The following ST18 variants were observed in gnomAD, a reference collection of about 807,000 sequenced individuals.
ST18 encodes the protein ST18 C2H2C-type zinc finger transcription factor.
A neutral mutation model predicts 110.0 loss-of-function variants in ST18; 50 were observed. The ratio of observed to expected loss-of-function variants is 0.45; its 90% CI spans 0.36 to 0.58. The LOEUF is 0.58. Among genes scored for constraint, ST18 ranks in the 20% least tolerant of loss-of-function variants. The pLI, the probability that ST18 is intolerant of heterozygous loss-of-function variation, is 0.00. For missense variants in ST18, 1,306 were observed against 1,280.1 expected, an observed-to-expected ratio of 1.02 and a Z score of -0.31; for synonymous variants, 461 against 452.4, an observed-to-expected ratio of 1.02 and a Z score of -0.24.
At chr8:52,128,005 A>T (rs1366189121) in intron 22 of ST18, among the ~76,000 whole-genome samples, 2 of 151,892 alleles carry the variant, frequency 1.3e-5, no homozygotes, top group Non-Finnish European at 2.9e-5. Flanking sequence ...GGTCTCACCA[A>T]GCCACCCAGG....
At chr8:52,340,668 C>A (rs1164102838) in intron 2 of ST18, among the ~76,000 whole-genome samples, 2 of 152,200 alleles carry the variant, frequency 1.3e-5, no homozygotes, top group Non-Finnish European at 2.9e-5. Flanking sequence ...TATCTGTCCC[C>A]TTGCCACTCA....
At chr8:52,157,558 C>T (rs564618350) in intron 15 of ST18, among the ~76,000 whole-genome samples, 1 of 152,230 alleles carries the variant, frequency 6.6e-6, no homozygotes, top group Non-Finnish European at 1.5e-5. Flanking sequence ...TTTAAAAATT[C>T]CCTAAATCAC....
intron 2 of ST18, among the ~76,000 whole-genome samples, chr8:52,340,494 A>T (rs550008259): frequency 8.3e-4 from 126 of 152,358 alleles, no homozygotes; most frequent in Middle Eastern, 3.4e-3. Flanking sequence ...AGTGCAGAAG[A>T]GCCACATTTT....
At chr8:52,285,550 G>T (rs933355901) in intron 2 of ST18, among the ~76,000 whole-genome samples, 1 of 152,128 alleles carries the variant, frequency 6.6e-6, no homozygotes, top group African/African-American at 2.4e-5. Context: ...GAGAGCAAAA[G>T]GTGCTTCTAA....
intron 2 of ST18, among the ~76,000 whole-genome samples, chr8:52,362,662 A>C (rs1225414275): frequency 1.3e-5 from 2 of 152,192 alleles, no homozygotes; most frequent in Non-Finnish European, 2.9e-5. Context: ...ATAATTTTTC[A>C]GTGCCCTTTC....
intron 2 of ST18, among the ~76,000 whole-genome samples, chr8:52,234,047 C>T (rs933515611): frequency 1.3e-5 from 2 of 152,122 alleles, no homozygotes; most frequent in Non-Finnish European, 2.9e-5. Context: ...GACTCTATGT[C>T]CAATCCTTCT....
chr8:52,190,173 T>C (rs555535109), intron 8 of ST18, among the ~76,000 whole-genome samples: 4 of 152,306 alleles, frequency 2.6e-5, no homozygotes, highest in Admixed American at 6.5e-5. Context: ...TAAAAAATAT[T>C]GTATGGAATT....
intron 9 of ST18, among the ~76,000 whole-genome samples, chr8:52,176,575 G>A (rs749371519): frequency 3.9e-5 from 6 of 152,168 alleles, no homozygotes; most frequent in Non-Finnish European, 8.8e-5. Context: ...GGAGGGAGCA[G>A]CGGCTGGAGC....
intron 2 of ST18, among the ~76,000 whole-genome samples, chr8:52,396,781 C>T (rs183482294): frequency 1.8e-3 from 275 of 152,270 alleles, no homozygotes; most frequent in Non-Finnish European, 3.3e-3. Context: ...CCTCCCCCAT[C>T]ACGTGGAGAT....
At chr8:52,246,248 A>T (rs984308447) in intron 2 of ST18, among the ~76,000 whole-genome samples, 20 of 152,066 alleles carry the variant, frequency 1.3e-4, no homozygotes, top group Non-Finnish European at 2.9e-5. Context: ...GTCCTTAAAA[A>T]GGGAAAACTT....
At chr8:52,401,446 A>G (rs1010275634) in intron 2 of ST18, among the ~76,000 whole-genome samples, 1 of 151,688 alleles carries the variant, frequency 6.6e-6, no homozygotes, top group Non-Finnish European at 1.5e-5. Context: ...CCCTCTAACA[A>G]CCCCATATTT....
At chr8:52,182,587 T>C (rs1354696259) in intron 8 of ST18, among the ~76,000 whole-genome samples, 1 of 152,112 alleles carries the variant, frequency 6.6e-6, no homozygotes, top group Non-Finnish European at 1.5e-5. Context: ...GTATCTACAA[T>C]AGTCAAAATT....
chr8:52,172,637 A>G (rs2065380529), intron 9 of ST18, 54 bp from the exon 10 acceptor site: 3 of 1,418,244 alleles, frequency 2.1e-6, no homozygotes, highest in Non-Finnish European at 2.8e-6. Flanking sequence ...ATATTTTAGG[A>G]AAATTGCAAC....
intron 2 of ST18, among the ~76,000 whole-genome samples, chr8:52,395,037 C>T (rs934000790): frequency 3.3e-5 from 5 of 152,180 alleles, no homozygotes; most frequent in Non-Finnish European, 7.3e-5. Flanking sequence ...CTATTAACGT[C>T]AGTCATGGGG....
intron 2 of ST18, among the ~76,000 whole-genome samples, chr8:52,362,460 C>T (rs115326376): frequency 6.6e-6 from 1 of 152,156 alleles, no homozygotes; most frequent in African/African-American, 2.4e-5. Flanking sequence ...GCAAATTTAT[C>T]TTCTCTTTGC....
At chr8:52,146,444 T>TCTTTTC in intron 16 of ST18, among the ~76,000 whole-genome samples, 1 of 152,300 alleles carries the variant, frequency 6.6e-6, no homozygotes, top group South Asian at 2.1e-4. Flanking sequence ...GATTTTTTTT[T>TCTTTTC]CTTTTCCTTT....
At chr8:52,343,697 A>G (rs1233283779) in intron 2 of ST18, among the ~76,000 whole-genome samples, 2 of 152,216 alleles carry the variant, frequency 1.3e-5, no homozygotes, top group Non-Finnish European at 2.9e-5. Context: ...TTTCTGATAC[A>G]CAGATACCAC....
chr8:52,141,832 G>T (rs1473192960), intron 17 of ST18, among the ~76,000 whole-genome samples: 3 of 152,212 alleles, frequency 2.0e-5, no homozygotes, highest in Non-Finnish European at 4.4e-5. Flanking sequence ...TGGGGTGGTG[G>T]GTGGGCATCT....
intron 2 of ST18, among the ~76,000 whole-genome samples, chr8:52,399,892 G>C (rs763301169): frequency 7.2e-5 from 11 of 152,032 alleles, no homozygotes; most frequent in Non-Finnish European, 1.5e-4. Context: ...GCTGCTATTA[G>C]ATTGAAAGTT....
Sources: allele counts gnomAD v4.1 joint callset (sites outside exome capture counted in the v4.1 genomes callset), GRCh38; gene constraint gnomAD v4.1.1; transcripts MANE v1.5; gene names NCBI Gene and HGNC (gene_info 2026-07-23, HGNC 2026-07-21).